The following TENT2 variants were observed in gnomAD, a reference collection of about 807,000 sequenced individuals.
TENT2 encodes terminal nucleotidyltransferase 2, also known as poly(A) RNA polymerase GLD2.
TENT2 carries 44 observed loss-of-function variants against 72.2 expected under a neutral mutation model. The ratio of observed to expected loss-of-function variants is 0.61; its 90% CI spans 0.48 to 0.78. TENT2 has a LOEUF of 0.78. Ranked by LOEUF, TENT2 falls within the 30% of genes least tolerant of loss-of-function variation. The pLI, the probability that TENT2 is intolerant of heterozygous loss-of-function variation, is 0.00. For synonymous variants in TENT2, 212 were observed against 192.5 expected, an observed-to-expected ratio of 1.10 and a Z score of -0.84; for missense variants, 541 against 569.6, an observed-to-expected ratio of 0.95 and a Z score of 0.51.
intron 11 of TENT2, among the ~76,000 whole-genome samples, chr5:79,666,048 G>A (rs1013797637): frequency 6.6e-6 from 1 of 151,086 alleles, no homozygotes; most frequent in Non-Finnish European, 1.5e-5. Context: ...GAGTGCAGTG[G>A]CGTGGATTCG....
rs572432083 is a variant in TENT2 at position 79,623,983 on chromosome 5, G to A, written c.465+494G>A. On this transcript the variant is annotated intron_variant, in intron 4 of 14. Transcript: ENST00000453514. ...ATAAAAATTTTCAAATAAGTGAAAT[G>A]AAGCTATTTAAATAATAATTCTTGG... is the stretch of plus-strand genomic sequence containing the variant. Among the ~76,000 whole-genome samples the A allele has an allele frequency of 7.3e-4, 111 of 152,256 alleles. 1 individual carries two copies. Among genetic ancestry groups the A allele is most frequent in the Admixed American group, 1.6e-3 (25 of 15,310 alleles).
intron 11 of TENT2, among the ~76,000 whole-genome samples, chr5:79,659,430 G>A (rs927643261): frequency 2.7e-5 from 4 of 149,736 alleles, no homozygotes; most frequent in African/African-American, 9.8e-5. Flanking sequence ...CTACTCAGGA[G>A]GGTGAGGAGG....
intron 11 of TENT2, among the ~76,000 whole-genome samples, chr5:79,657,740 G>A (rs1216634611): frequency 2.6e-5 from 4 of 151,740 alleles, no homozygotes; most frequent in Admixed American, 2.6e-4. Context: ...TCTTTTTCCT[G>A]CATTTATTTG....
In TENT2 at chr5:79,640,153, C is replaced by T. The variant is rs543270223; in HGVS notation, c.466-698C>T. 1.1e-3 allele frequency among the ~76,000 whole-genome samples: 169 copies of T among 151,508 alleles called. 1 individual carries two copies. The highest frequency in any genetic ancestry group is 3.9e-3 in the African/African-American group (161 of 41,288). ...TGCCTGTATTCTCAGCTACTTGGGA[C>T]GCTGAGGCAGGAGAACCGCTTGAAC... is the stretch of plus-strand genomic sequence containing the variant. On this transcript the variant is annotated intron_variant, in intron 4 of 14. Transcript: ENST00000453514.
chr5:79,641,302 C>A, intron 6 of TENT2, 106 bp downstream of exon 6: 1 of 940,810 alleles, frequency 1.1e-6, no homozygotes, highest in Non-Finnish European at 1.5e-6. Context: ...GTGATTACTT[C>A]TTTGAATTTT....
chr5:79,623,944 T>G (rs977748421), intron 4 of TENT2, among the ~76,000 whole-genome samples: 13 of 152,194 alleles, frequency 8.5e-5, no homozygotes, highest in African/African-American at 3.1e-4. Flanking sequence ...AAGAAAGATT[T>G]ATCAAAAACA....
Position 79,685,210 on chromosome 5 carries a change from A to G in TENT2, c.1392A>G (p.Arg464=), listed in dbSNP as rs1232826551. Residue 464 remains arginine (R), a synonymous_variant, in exon 15 of 15, where the codon AGA becomes AGG. Coordinates refer to ENST00000453514, the MANE Select transcript of TENT2 (RefSeq NM_001114394.3). ...IKDQFLKSWH[R]LKNKRDLNSI... ...TCTTTCTCTCCCAGTCATGGCACAG[A>G]TTGAAAAACAAGAGAGATTTGAACA... 2.5e-6 allele frequency: 4 copies of G among 1,606,962 alleles called. No individual in the cohort carries two copies. Among genetic ancestry groups the G allele is most frequent in the African/African-American group, 1.3e-5 (1 of 74,554 alleles).
intron 10 of TENT2, 109 bp downstream of exon 10, chr5:79,649,299 T>C (rs1791684114): frequency 1.3e-5 from 14 of 1,038,782 alleles, no homozygotes; most frequent in Non-Finnish European, 1.6e-5. Context: ...AAGTTCTTTC[T>C]AAGGTCCATG....
chr5:79,667,174 A>G (rs558045761), intron 11 of TENT2, among the ~76,000 whole-genome samples: 1 of 152,316 alleles, frequency 6.6e-6, no homozygotes, highest in African/African-American at 2.4e-5. Context: ...AGGAAGTACA[A>G]TCATTTTTAG....
At chr5:79,650,929 G>A (rs75453440) in intron 10 of TENT2, among the ~76,000 whole-genome samples, 154 of 152,140 alleles carry the variant, frequency 1.0e-3, no homozygotes, top group African/African-American at 3.6e-3. Context: ...GTTCAGAGGT[G>A]AGATTGGTTG....
intron 13 of TENT2, 65 bp downstream of exon 13, chr5:79,679,735 C>A: frequency 2.2e-6 from 2 of 921,044 alleles, no homozygotes; most frequent in Non-Finnish European, 1.5e-6. Flanking sequence ...GTAATTTCAG[C>A]TGTGTTTCAG....
intron 4 of TENT2, among the ~76,000 whole-genome samples, chr5:79,631,854 G>A (rs979669733): frequency 6.6e-6 from 1 of 152,136 alleles, no homozygotes; most frequent in Non-Finnish European, 1.5e-5. Flanking sequence ...TTGGCCTTAG[G>A]TAAGAGAAAA....
In TENT2 at chr5:79,619,711, C is replaced by T. The variant is rs1381445375; in HGVS notation, c.63C>T (p.Asn21=). 2 of 1,613,882 alleles carry T rather than the reference C, an allele frequency of 1.2e-6. No homozygotes were observed. Among genetic ancestry groups the T allele is most frequent in the Non-Finnish European group, 1.7e-6 (2 of 1,179,838 alleles). Residue 21 remains asparagine (N), a synonymous_variant, in exon 2 of 15, where the codon AAC becomes AAT. Transcript: ENST00000453514. ...CTCCAAATCATCAACAACATAATAA[C>T]TTCTTTACCCTGTCACCTACTGTTT... ...PFTPNHQQHN[N]FFTLSPTVYS... is the part of the protein sequence containing the mutation.
At chr5:79,645,690 T>A (rs1176203488) in intron 8 of TENT2, among the ~76,000 whole-genome samples, 3 of 152,226 alleles carry the variant, frequency 2.0e-5, no homozygotes, top group Non-Finnish European at 4.4e-5. Context: ...GCTTGGGTTC[T>A]GAATGTCTTA....
At position 79,687,116 on chromosome 5, in the gene TENT2, G is replaced by A. The variant is rs1826282530; in HGVS notation, c.*1843G>A. ...GTCACTGTTTTCTCAGTTTTCAGTG[G>A]CCCCACACTTACTACTGCTTTTCTT... On this transcript the variant is annotated 3_prime_UTR_variant, in exon 15 of 15. Transcript: ENST00000453514. 1.1e-5 allele frequency among the ~76,000 whole-genome samples: 1 copy of A among 88,694 alleles called. No individual in the cohort carries two copies. The highest frequency in any genetic ancestry group is 4.7e-5 in the African/African-American group (1 of 21,082). 58.2% of individuals were successfully genotyped at this position (88,694 alleles called of 152,430 possible).
intron 10 of TENT2, among the ~76,000 whole-genome samples, chr5:79,654,212 A>G (rs10942898): frequency 0.12 from 17,600 of 152,176 alleles, 1,141 homozygotes; most frequent in East Asian, 0.29. Context: ...CGGGTGGATC[A>G]CTTGAGGTCA....
At chr5:79,651,647 G>C (rs1269894980) in intron 10 of TENT2, among the ~76,000 whole-genome samples, 3 of 151,898 alleles carry the variant, frequency 2.0e-5, no homozygotes, top group Non-Finnish European at 4.4e-5. Flanking sequence ...TTCCTCTATG[G>C]TGGAGAATTT....
intron 11 of TENT2, among the ~76,000 whole-genome samples, chr5:79,660,354 C>T (rs1801840859): frequency 6.6e-6 from 1 of 152,048 alleles, no homozygotes; most frequent in South Asian, 2.1e-4. Context: ...ATGAAGGAAT[C>T]TTTATTTTAA....
intron 4 of TENT2, among the ~76,000 whole-genome samples, chr5:79,640,040 T>G (rs1783157587): frequency 6.6e-6 from 1 of 152,084 alleles, no homozygotes; most frequent in Admixed American, 6.6e-5. Flanking sequence ...GCAGATCACT[T>G]GAGGTCAGGG....
Sources: gnomAD v4.1 joint callset for allele counts (sites outside exome capture counted in the v4.1 genomes callset) on GRCh38, gnomAD v4.1.1 for gene constraint, MANE v1.5 for transcripts, NCBI Gene and HGNC (gene_info 2026-07-23, HGNC 2026-07-21) for gene names.